CFTR: variants seen among roughly 807,000 people sequenced by gnomAD.
CFTR encodes the protein cystic fibrosis transmembrane conductance regulator.
A neutral mutation model predicts 171.6 loss-of-function variants in CFTR; 181 were observed. That is an observed-to-expected ratio of 1.05 (90% CI 0.93 to 1.19). The LOEUF (loss-of-function observed/expected upper bound fraction) is 1.19, where lower values mean the gene tolerates loss of function less well. Ranked by LOEUF, CFTR falls within the 50% of genes most tolerant of loss-of-function variation. The pLI, the probability that CFTR is intolerant of heterozygous loss-of-function variation, is 0.00. For synonymous variants in CFTR, 583 were observed against 608.0 expected (o/e 0.96, Z 0.60); for missense variants, 1,968 against 1,734.7 (o/e 1.13, Z -2.39).
intron 22 of CFTR, among the ~76,000 whole-genome samples, chr7:117,642,030 A>G: frequency 6.6e-6 from 1 of 152,216 alleles, no homozygotes. Context: ...ATTAATTTTT[A>G]AGTCGTATCC....
intron 23 of CFTR, among the ~76,000 whole-genome samples, chr7:117,649,277 G>GGTGT (rs1562925090): frequency 6.2e-5 from 9 of 146,120 alleles, no homozygotes; most frequent in East Asian, 2.0e-4. Flanking sequence ...TTATACATGG[G>GGTGT]ATGTGTGTGT....
intron 22 of CFTR, among the ~76,000 whole-genome samples, chr7:117,641,271 A>G (rs1792907434): frequency 6.6e-6 from 1 of 152,152 alleles, no homozygotes; most frequent in South Asian, 2.1e-4. Flanking sequence ...GTACTCTAAA[A>G]CATTTATTGT....
chr7:117,644,530 G>C (rs1263242898), intron 23 of CFTR, among the ~76,000 whole-genome samples: 1 of 151,920 alleles, frequency 6.6e-6, no homozygotes, highest in Non-Finnish European at 1.5e-5. Flanking sequence ...TAGTTCTGAA[G>C]ATCTCTGACA....
At chr7:117,627,847 C>A in intron 22 of CFTR, 77 bp downstream of exon 22, 2 of 1,411,290 alleles carry the variant, frequency 1.4e-6, no homozygotes, top group Middle Eastern at 1.8e-4. Flanking sequence ...AATGTGTTAG[C>A]AGAATCTATT....
chr7:117,535,291 T>C lies in CFTR; in HGVS notation c.623T>C (p.Val208Ala), dbSNP rs770944337. Residue 208 changes from valine to alanine, a missense_variant, in exon 6 of 27, where the codon GTG becomes GCG. Coordinates refer to ENST00000003084, the MANE Select transcript of CFTR (RefSeq NM_000492.4). ...AHFVWIAPLQ[V>A]ALLMGLIWEL... ...TTCGTGTGGATCGCTCCTTTGCAAG[T>C]GGCACTCCTCATGGGGCTAATCTGG... The C allele has an allele frequency of 6.2e-7, 1 of 1,614,132 alleles. No homozygotes were observed. Among genetic ancestry groups the C allele is most frequent in the South Asian group, 1.1e-5 (1 of 91,086 alleles).
intron 22 of CFTR, among the ~76,000 whole-genome samples, chr7:117,631,175 G>A (rs996280648): frequency 1.3e-5 from 2 of 151,928 alleles, no homozygotes; most frequent in African/African-American, 4.8e-5. Context: ...CAATATAGTC[G>A]AAAACTCAGA....
intron 16 of CFTR, 112 bp downstream of exon 16, chr7:117,602,975 C>A: frequency 9.6e-7 from 1 of 1,042,480 alleles, no homozygotes. Context: ...TTCTCCCAAG[C>A]ATTATGGTAG....
chr7:117,490,198 G>A (rs1490899973), intron 1 of CFTR, among the ~76,000 whole-genome samples: 1 of 151,768 alleles, frequency 6.6e-6, no homozygotes, highest in African/African-American at 2.4e-5. Context: ...ACTCTCGTCA[G>A]TACAATGAGT....
intron 25 of CFTR, 86 bp downstream of exon 25, chr7:117,664,946 G>T: frequency 7.0e-7 from 1 of 1,433,106 alleles, no homozygotes; most frequent in Non-Finnish European, 9.8e-7. Context: ...TTTCTATTAG[G>T]CTGTCATGTC....
intron 12 of CFTR, 112 bp downstream of exon 12, chr7:117,587,945 C>A (rs1791970673): frequency 4.0e-6 from 3 of 741,898 alleles, no homozygotes; most frequent in Non-Finnish European, 7.2e-6. Context: ...TTGAAAAAAT[C>A]CTGGGGTTTT....
intron 11 of CFTR, among the ~76,000 whole-genome samples, chr7:117,586,020 G>A (rs1356038929): frequency 6.6e-6 from 1 of 152,168 alleles, no homozygotes; most frequent in Non-Finnish European, 1.5e-5. Context: ...ACACACACGA[G>A]CTGTTTTGTA....
At chr7:117,590,209 C>A (rs1792004150) in intron 12 of CFTR, 144 bp from the exon 13 acceptor site, 1 of 894,100 alleles carries the variant, frequency 1.1e-6, no homozygotes, top group Non-Finnish European at 1.6e-6. Flanking sequence ...ACTTCTGCAC[C>A]ACTTTTGAGA....
chr7:117,565,081 A>C (rs1340972595), intron 11 of CFTR, among the ~76,000 whole-genome samples: 3 of 152,198 alleles, frequency 2.0e-5, no homozygotes, highest in African/African-American at 7.2e-5. Context: ...ATTTCTAGGC[A>C]AAGTGACACT....
At chr7:117,608,841 C>CTT (rs562762005) in intron 18 of CFTR, among the ~76,000 whole-genome samples, 2 of 151,778 alleles carry the variant, frequency 1.3e-5, no homozygotes, top group South Asian at 2.1e-4. Context: ...TATAAATTTT[C>CTT]TTTTTTTAAA....
At chr7:117,540,409 T>G in intron 8 of CFTR, 63 bp downstream of exon 8, 1 of 1,481,308 alleles carries the variant, frequency 6.8e-7, no homozygotes, top group Non-Finnish European at 9.2e-7. Context: ...AGATCAGTTC[T>G]AATGAACTTT....
chr7:117,515,710 G>A (rs956612603), intron 3 of CFTR, among the ~76,000 whole-genome samples: 1 of 152,050 alleles, frequency 6.6e-6, no homozygotes, highest in Non-Finnish European at 1.5e-5. Context: ...TAGTTTGATG[G>A]GAATAGCATT....
At chr7:117,579,776 G>A (rs1474001572) in intron 11 of CFTR, among the ~76,000 whole-genome samples, 1 of 151,004 alleles carries the variant, frequency 6.6e-6, no homozygotes, top group African/African-American at 2.4e-5. Flanking sequence ...ATGGATCTTA[G>A]GAAACATGAG....
At chr7:117,519,893 A>T (rs948543509) in intron 3 of CFTR, among the ~76,000 whole-genome samples, 1 of 151,946 alleles carries the variant, frequency 6.6e-6, no homozygotes, top group African/African-American at 2.4e-5. Flanking sequence ...GCTGACTCTT[A>T]GAAGGTGTTC....
At chr7:117,645,390 T>C (rs1202053531) in intron 23 of CFTR, among the ~76,000 whole-genome samples, 1 of 152,174 alleles carries the variant, frequency 6.6e-6, no homozygotes, top group Non-Finnish European at 1.5e-5. Context: ...CTCATTGTCA[T>C]AAGTCAGAGA....
Sources: allele counts gnomAD v4.1 joint callset (sites outside exome capture counted in the v4.1 genomes callset), GRCh38; gene constraint gnomAD v4.1.1; transcripts MANE v1.5; gene names NCBI Gene and HGNC (gene_info 2026-07-23, HGNC 2026-07-21).